Variants in LRRC4C observed in about 807,000 individuals in gnomAD.
LRRC4C encodes the protein leucine rich repeat containing 4C, also known as leucine-rich repeat-containing protein 4C.
LRRC4C carries 5 observed loss-of-function variants against 33.6 expected under a neutral mutation model. That is an observed-to-expected ratio of 0.15 (90% CI 0.08 to 0.31). The LOEUF (loss-of-function observed/expected upper bound fraction) is 0.31. LRRC4C is among the 10% of genes least tolerant of loss of function. The probability of loss-of-function intolerance (pLI) is 1.00; values close to 1 mark genes in which losing one functional copy is unlikely to be tolerated. For synonymous variants in LRRC4C, 329 were observed against 302.0 expected (o/e 1.09, Z -0.93); for missense variants, 560 against 796.7 (o/e 0.70, Z 3.58).
At chr11:40,247,649 C>T (rs1364828439) in intron 4 of LRRC4C, among the ~76,000 whole-genome samples, 1 of 57,500 alleles carries the variant, frequency 1.7e-5, no homozygotes, top group Non-Finnish European at 7.5e-5. Flanking sequence ...CATTGGGTTA[C>T]TCTCTGCTTT....
At chr11:40,919,028 G>C (rs897688109) in intron 2 of LRRC4C, among the ~76,000 whole-genome samples, 1 of 152,068 alleles carries the variant, frequency 6.6e-6, no homozygotes, top group African/African-American at 2.4e-5. Flanking sequence ...ATAATTTGCT[G>C]CATTTGCTTT....
intron 3 of LRRC4C, among the ~76,000 whole-genome samples, chr11:40,354,116 G>A (rs768264636): frequency 3.3e-5 from 5 of 152,152 alleles, no homozygotes; most frequent in Non-Finnish European, 5.9e-5. Context: ...CAGACTCAAG[G>A]AGCTACCATA....
intron 2 of LRRC4C, among the ~76,000 whole-genome samples, chr11:40,648,632 A>G (rs1942604337): frequency 6.6e-6 from 1 of 152,190 alleles, no homozygotes; most frequent in South Asian, 2.1e-4. Flanking sequence ...AACATCTGAG[A>G]TGTTACCATG....
chr11:40,474,319 C>G (rs1339155656), intron 3 of LRRC4C, among the ~76,000 whole-genome samples: 1 of 152,088 alleles, frequency 6.6e-6, no homozygotes, highest in Non-Finnish European at 1.5e-5. Context: ...ATGACAAAAA[C>G]AAGCAATGGG....
intron 3 of LRRC4C, among the ~76,000 whole-genome samples, chr11:40,386,444 G>A (rs1165251105): frequency 6.6e-6 from 1 of 152,180 alleles, no homozygotes; most frequent in African/African-American, 2.4e-5. Context: ...ATGAGGAGAT[G>A]AGAATGTCCA....
rs139586459 is a variant in LRRC4C, at chr11:40,771,049, G to A, written c.-406-122771C>T. Among the ~76,000 whole-genome samples, 579 of 152,284 alleles carry A rather than the reference G, an allele frequency of 3.8e-3. 2 individuals carry two copies. The highest frequency in any genetic ancestry group is 6.5e-3 in the Non-Finnish European group (439 of 68,012). On this transcript the variant is annotated intron_variant, in intron 2 of 6. Transcript: ENST00000528697. The stretch of plus-strand genomic sequence containing the variant: ...GATTCACTATGCTATTCCTTAGTGG[G>A]GACTCAGTGTGGGGACTCTGAACTC...
intron 3 of LRRC4C, among the ~76,000 whole-genome samples, chr11:40,623,511 G>C (rs1289927643): frequency 1.3e-5 from 2 of 151,892 alleles, no homozygotes; most frequent in Admixed American, 1.3e-4. Flanking sequence ...TGTTTGGAAG[G>C]CCTAAAGTAA....
chr11:40,627,626 A>G (rs922144732), intron 3 of LRRC4C, among the ~76,000 whole-genome samples: 2 of 152,202 alleles, frequency 1.3e-5, no homozygotes, highest in Non-Finnish European at 2.9e-5. Context: ...TAGCACATAG[A>G]GAAGAGTTTG....
intron 3 of LRRC4C, among the ~76,000 whole-genome samples, chr11:40,555,104 A>G (rs2135469889): frequency 6.6e-6 from 1 of 152,314 alleles, no homozygotes; most frequent in South Asian, 2.1e-4. Flanking sequence ...TTGATTTTGT[A>G]TCCTGAAACT....
At chr11:41,281,078 C>CTCTCTCTCTCTCTCTCTT (rs1491428513) in intron 1 of LRRC4C, among the ~76,000 whole-genome samples, 1 of 83,120 alleles carries the variant, frequency 1.2e-5, no homozygotes, top group Non-Finnish European at 2.2e-5. Context: ...CTCTCTCTGT[C>CTCTCTCTCTCTCTCTCTT]CTCTCTCTCT....
At chr11:41,414,743 A>G (rs1213587868) in intron 1 of LRRC4C, among the ~76,000 whole-genome samples, 1 of 152,082 alleles carries the variant, frequency 6.6e-6, no homozygotes, top group Non-Finnish European at 1.5e-5. Flanking sequence ...GAGAAAGATA[A>G]TAGGAAAGTA....
chr11:40,305,619 A>C (rs896481640), intron 4 of LRRC4C, among the ~76,000 whole-genome samples: 1 of 152,118 alleles, frequency 6.6e-6, no homozygotes, highest in African/African-American at 2.4e-5. Flanking sequence ...CAAAAAAAAA[A>C]AAAAGGAAGA....
intron 4 of LRRC4C, among the ~76,000 whole-genome samples, chr11:40,276,756 T>C (rs536763676): frequency 9.9e-5 from 15 of 151,166 alleles, no homozygotes; most frequent in African/African-American, 3.6e-4. Context: ...TTTGTGTCCA[T>C]AGATTCTGCA....
At chr11:41,244,139 T>G (rs1406375905) in intron 1 of LRRC4C, among the ~76,000 whole-genome samples, 1 of 150,252 alleles carries the variant, frequency 6.7e-6, no homozygotes, top group Non-Finnish European at 1.5e-5. Flanking sequence ...GGCCTTCATT[T>G]CATGCTACCA....
At chr11:40,184,904 C>T (rs1270498074) in intron 5 of LRRC4C, among the ~76,000 whole-genome samples, 1 of 152,334 alleles carries the variant, frequency 6.6e-6, no homozygotes, top group Admixed American at 6.5e-5. Flanking sequence ...CTCCTTTCTG[C>T]TGCGCTTCCT....
intron 2 of LRRC4C, among the ~76,000 whole-genome samples, chr11:40,832,309 T>C (rs1952454689): frequency 2.0e-5 from 3 of 152,204 alleles, no homozygotes; most frequent in Admixed American, 6.6e-5. Flanking sequence ...TGAAATGTCA[T>C]TATGTGGTGC....
intron 2 of LRRC4C, among the ~76,000 whole-genome samples, chr11:40,907,028 T>C (rs1956452902): frequency 6.6e-6 from 1 of 152,188 alleles, no homozygotes; most frequent in Admixed American, 6.5e-5. Context: ...TATATGTGTG[T>C]GCACTGTCAG....
intron 1 of LRRC4C, among the ~76,000 whole-genome samples, chr11:40,997,263 C>A (rs1854048756): frequency 1.3e-5 from 2 of 151,972 alleles, no homozygotes; most frequent in South Asian, 4.1e-4. Flanking sequence ...CCAGAGATTA[C>A]CATTACCTAT....
intron 2 of LRRC4C, among the ~76,000 whole-genome samples, chr11:40,737,492 CCTT>C (rs1341376175): frequency 6.6e-6 from 1 of 152,088 alleles, no homozygotes; most frequent in Non-Finnish European, 1.5e-5. Context: ...CCCAAAATCT[CCTT>C]AAGCTGATAA....
Sources: gnomAD v4.1 joint callset for allele counts (sites outside exome capture counted in the v4.1 genomes callset) on GRCh38, gnomAD v4.1.1 for gene constraint, MANE v1.5 for transcripts, NCBI Gene and HGNC (gene_info 2026-07-23, HGNC 2026-07-21) for gene names.